The following ARRB1 variants were observed in gnomAD, a reference collection of about 807,000 sequenced individuals.
ARRB1 encodes beta-arrestin-1.
ARRB1 carries 21 observed loss-of-function variants against 56.8 expected under a neutral mutation model. That is an observed-to-expected ratio of 0.37 (90% CI 0.26 to 0.53). ARRB1 has a LOEUF of 0.53. Among genes scored for constraint, ARRB1 ranks in the 20% least tolerant of loss-of-function variants. The pLI is 0.88. For missense variants in ARRB1, 424 were observed against 553.7 expected (o/e 0.77, Z 2.35); for synonymous variants, 210 against 218.6 (o/e 0.96, Z 0.35).
At chr11:75,326,424 C>T (rs904571866) in intron 1 of ARRB1, among the ~76,000 whole-genome samples, 10 of 152,218 alleles carry the variant, frequency 6.6e-5, no homozygotes, top group African/African-American at 1.7e-4. Context: ...CTAATGGAAA[C>T]ATTAAGATTC....
intron 6 of ARRB1, chr11:75,281,517 A>G (rs1946340374): frequency 3.0e-6 from 1 of 328,714 alleles, no homozygotes; most frequent in African/African-American, 2.1e-5. Context: ...TATTCCTCTA[A>G]CAAGACAAGG....
chr11:75,299,237 T>TA (rs199578338), intron 1 of ARRB1, among the ~76,000 whole-genome samples: 1,949 of 140,330 alleles, frequency 0.014, 34 homozygotes, highest in African/African-American at 0.044. Flanking sequence ...ACATCTCAAT[T>TA]AAAAAAAAAA....
intron 15 of ARRB1, 40 bp downstream of exon 15, chr11:75,267,612 C>CG: frequency 1.2e-5 from 16 of 1,353,004 alleles, no homozygotes; most frequent in Non-Finnish European, 1.6e-5. Flanking sequence ...CGCCCACCCG[C>CG]GGCCCACCCC....
chr11:75,267,103 A>T (rs1945938453), intron 15 of ARRB1, among the ~76,000 whole-genome samples: 1 of 152,190 alleles, frequency 6.6e-6, no homozygotes, highest in Non-Finnish European at 1.5e-5. Context: ...CCTGGGGGAC[A>T]AGGGAAGATT....
chr11:75,291,583 G>A (rs765798073), intron 1 of ARRB1, among the ~76,000 whole-genome samples: 4 of 152,076 alleles, frequency 2.6e-5, no homozygotes, highest in African/African-American at 9.7e-5. Flanking sequence ...CCTCTCCCCC[G>A]AGCTGGGTCT....
intron 1 of ARRB1, among the ~76,000 whole-genome samples, chr11:75,345,635 G>A (rs766612091): frequency 1.3e-5 from 2 of 152,090 alleles, no homozygotes; most frequent in Non-Finnish European, 2.9e-5. Flanking sequence ...AAGCCAATCA[G>A]ATGAGGGAGC....
At chr11:75,276,935 T>C (rs1439087331) in intron 9 of ARRB1, 24 bp from the exon 10 acceptor site, 1 of 1,612,612 alleles carries the variant, frequency 6.2e-7, no homozygotes, top group South Asian at 1.1e-5. Context: ...GGAATCAAGG[T>C]GGAGTGAGTC....
At chr11:75,280,569 C>T (rs531138432) in intron 7 of ARRB1, among the ~76,000 whole-genome samples, 61 of 152,326 alleles carry the variant, frequency 4.0e-4, no homozygotes, top group African/African-American at 1.4e-3. Context: ...CTCCAGAGAA[C>T]GCTTCCCATC....
At chr11:75,328,964 T>G (rs1947479517) in intron 1 of ARRB1, among the ~76,000 whole-genome samples, 1 of 152,006 alleles carries the variant, frequency 6.6e-6, no homozygotes, top group African/African-American at 2.4e-5. Flanking sequence ...AACACTGAAC[T>G]CAGAGCCCTG....
chr11:75,327,606 T>G (rs1407149321), intron 1 of ARRB1, among the ~76,000 whole-genome samples: 2 of 151,466 alleles, frequency 1.3e-5, no homozygotes, highest in Admixed American at 6.6e-5. Flanking sequence ...TTTGTTTTTT[T>G]TTTTTGAGTC....
intron 1 of ARRB1, among the ~76,000 whole-genome samples, chr11:75,345,734 C>A (rs1490907761): frequency 6.6e-6 from 1 of 152,198 alleles, no homozygotes; most frequent in Non-Finnish European, 1.5e-5. Context: ...GGAGTCAGGA[C>A]CCCACCCCTC....
At chr11:75,287,051 G>A (rs927984741) in intron 3 of ARRB1, among the ~76,000 whole-genome samples, 6 of 152,046 alleles carry the variant, frequency 3.9e-5, no homozygotes, top group Admixed American at 2.0e-4. Context: ...AGTAAGTGGC[G>A]GTGTCTGTCG....
At chr11:75,293,719 C>A (rs1028578992) in intron 1 of ARRB1, among the ~76,000 whole-genome samples, 6 of 152,158 alleles carry the variant, frequency 3.9e-5, no homozygotes, top group Non-Finnish European at 8.8e-5. Flanking sequence ...CCAACCCCAC[C>A]GCCCAGGGTA....
chr11:75,287,246 G>C, intron 3 of ARRB1, 69 bp downstream of exon 3: 1 of 1,495,486 alleles, frequency 6.7e-7, no homozygotes, highest in Non-Finnish European at 9.0e-7. Flanking sequence ...GGAGAGCTGA[G>C]AGCTATTTCT....
At chr11:75,280,934 T>G in intron 7 of ARRB1, 141 bp downstream of exon 7, 1 of 1,002,796 alleles carries the variant, frequency 1.0e-6, no homozygotes. Flanking sequence ...CCTCCCAGCT[T>G]CCAGAGTGCC....
In ARRB1 at chr11:75,278,639, G is replaced by C. The variant is rs757724844; in HGVS notation, c.588C>G (p.Pro196=). ...TTRQFLMSDK[P]LHLEASLDKE... ...TATCCAGAGAGGCTTCTAGGTGCAA[G>C]GGCTTGTCCGACATGAGGAACTGCC... Residue 196 remains proline (P), a synonymous_variant, in exon 8 of 16, where the codon CCC becomes CCG. Transcript: ENST00000420843. 6 of 1,614,212 alleles carry C rather than the reference G, an allele frequency of 3.7e-6. No individual in the cohort carries two copies. The highest frequency in any genetic ancestry group is 3.3e-5 in the South Asian group (3 of 91,088).
At chr11:75,331,797 T>C (rs1947525257) in intron 1 of ARRB1, among the ~76,000 whole-genome samples, 1 of 152,030 alleles carries the variant, frequency 6.6e-6, no homozygotes, top group South Asian at 2.1e-4. Context: ...CGAGTGAAAC[T>C]CATCAGTTGG....
chr11:75,327,658 G>A (rs1183067971), intron 1 of ARRB1, among the ~76,000 whole-genome samples: 1 of 148,854 alleles, frequency 6.7e-6, no homozygotes, highest in African/African-American at 2.5e-5. Context: ...GCGTGATCTC[G>A]GCTTACTGCA....
At chr11:75,334,557 C>A (rs1947573249) in intron 1 of ARRB1, among the ~76,000 whole-genome samples, 1 of 152,192 alleles carries the variant, frequency 6.6e-6, no homozygotes, top group Non-Finnish European at 1.5e-5. Context: ...ATCAGCATTT[C>A]CTGAGCTCCC....
Sources: gnomAD v4.1 joint callset for allele counts (sites outside exome capture counted in the v4.1 genomes callset) on GRCh38, gnomAD v4.1.1 for gene constraint, MANE v1.5 for transcripts, NCBI Gene and HGNC (gene_info 2026-07-23, HGNC 2026-07-21) for gene names.